Variants in UNC5D observed in about 807,000 individuals in gnomAD.
The protein encoded by UNC5D is netrin receptor UNC5D.
Under a neutral mutation model 105.4 loss-of-function variants are expected in UNC5D, and 39 were observed. The ratio of observed to expected loss-of-function variants is 0.37; its 90% CI spans 0.29 to 0.48. The LOEUF (loss-of-function observed/expected upper bound fraction) is 0.48. UNC5D is among the 20% of genes least tolerant of loss of function. The probability of loss-of-function intolerance (pLI) is 0.98; values close to 1 mark genes in which losing one functional copy is unlikely to be tolerated. For missense variants in UNC5D, 991 were observed against 1,202.4 expected, an observed-to-expected ratio of 0.82 and a Z score of 2.60; for synonymous variants, 452 against 450.4, an observed-to-expected ratio of 1.00 and a Z score of -0.04.
intron 1 of UNC5D, among the ~76,000 whole-genome samples, chr8:35,428,578 G>A (rs979196926): frequency 6.6e-6 from 1 of 151,796 alleles, no homozygotes; most frequent in South Asian, 2.1e-4. Context: ...TGCAGCATAA[G>A]AACCCTATGC....
At chr8:35,477,082 T>G (rs1810155396) in intron 1 of UNC5D, among the ~76,000 whole-genome samples, 1 of 152,190 alleles carries the variant, frequency 6.6e-6, no homozygotes. Flanking sequence ...CTATCTGATG[T>G]GCTGTACTTG....
intron 1 of UNC5D, among the ~76,000 whole-genome samples, chr8:35,323,080 A>G (rs1304870089): frequency 3.3e-5 from 5 of 152,116 alleles, no homozygotes; most frequent in African/African-American, 1.2e-4. Context: ...TTTAGGTGAA[A>G]AGGTAAACTA....
At chr8:35,785,953 A>G (rs1342925414) in intron 16 of UNC5D, among the ~76,000 whole-genome samples, 1 of 152,032 alleles carries the variant, frequency 6.6e-6, no homozygotes, top group Non-Finnish European at 1.5e-5. Context: ...ATAAGGTTAT[A>G]CCCTCTCATC....
chr8:35,542,119 G>C (rs981526849), intron 1 of UNC5D, among the ~76,000 whole-genome samples: 3 of 152,178 alleles, frequency 2.0e-5, no homozygotes, highest in African/African-American at 7.2e-5. Flanking sequence ...TTTTATTACA[G>C]GTTAGGAAGA....
intron 1 of UNC5D, among the ~76,000 whole-genome samples, chr8:35,311,709 C>T (rs1355095108): frequency 6.6e-6 from 1 of 152,022 alleles, no homozygotes; most frequent in Non-Finnish European, 1.5e-5. Flanking sequence ...AAATCACATC[C>T]TCAGCAGCAA....
At position 35,793,440 on chromosome 8, in the gene UNC5D, C is replaced by G. The variant is rs1343415531; in HGVS notation, c.*2877C>G. The G allele has an allele frequency of 6.2e-6, 1 of 161,550 alleles. No individual in the cohort carries two copies. The highest frequency in any genetic ancestry group is 2.4e-5 in the African/African-American group (1 of 41,492). The allele number at this position is 161,550 out of a possible 1,614,324, so 10.0% of individuals were successfully genotyped here. On this transcript the variant is annotated 3_prime_UTR_variant, in exon 17 of 17. Transcript: ENST00000404895. ...GCACTTAATTTGGAAATTTTATTGT[C>G]CTATTGCAAAATGAAACAAAATTAA...
chr8:35,333,302 CAGAGTGAGACCCTGTCTCTGAAAAAT>C (rs1381484843), intron 1 of UNC5D, among the ~76,000 whole-genome samples: 58 of 152,236 alleles, frequency 3.8e-4, no homozygotes, highest in African/African-American at 1.3e-3. Context: ...CCCTGGTTGA[CAGAGTGAGACCCTGTCTCTGAAAAAT>C]AAAGGAAAAG....
At chr8:35,311,986 TA>T (rs1270989254) in intron 1 of UNC5D, among the ~76,000 whole-genome samples, 10 of 152,186 alleles carry the variant, frequency 6.6e-5, no homozygotes, top group African/African-American at 2.4e-4. Context: ...CCACTGTTTT[TA>T]AAAATTCCCT....
rs1025058669 is a variant in UNC5D, at chr8:35,566,270, G to A, written c.323-1828G>A. 3.3e-5 allele frequency among the ~76,000 whole-genome samples: 5 copies of A among 152,096 alleles called. 1 individual carries two copies. Among genetic ancestry groups the A allele is most frequent in the Non-Finnish European group, 5.9e-5 (4 of 68,022 alleles). ...TCTCATCACACATCATAAATAACAC[G>A]TTATTAATTGAGTGGAAGGGAACGT... On this transcript the variant is annotated intron_variant, in intron 2 of 16. Transcript: ENST00000404895.
chr8:35,509,354 A>T (rs1476390193), intron 1 of UNC5D, among the ~76,000 whole-genome samples: 2 of 151,140 alleles, frequency 1.3e-5, no homozygotes, highest in East Asian at 4.0e-4. Context: ...CATGGGATGT[A>T]GGGGTACATG....
intron 1 of UNC5D, among the ~76,000 whole-genome samples, chr8:35,292,834 A>G (rs1308042694): frequency 1.4e-5 from 2 of 147,952 alleles, no homozygotes; most frequent in African/African-American, 2.5e-5. Context: ...CTCCTGCCTC[A>G]GCTCCCTGAG....
At chr8:35,491,560 C>T (rs889395212) in intron 1 of UNC5D, among the ~76,000 whole-genome samples, 1 of 151,998 alleles carries the variant, frequency 6.6e-6, no homozygotes, top group African/African-American at 2.4e-5. Flanking sequence ...CATTATTATC[C>T]TTGGTAGTAA....
chr8:35,732,215 C>G (rs945918328), intron 11 of UNC5D, among the ~76,000 whole-genome samples: 1 of 152,146 alleles, frequency 6.6e-6, no homozygotes, highest in African/African-American at 2.4e-5. Flanking sequence ...ATTTTGATAG[C>G]TATTTCTATA....
At chr8:35,494,179 GA>G in intron 1 of UNC5D, among the ~76,000 whole-genome samples, 1 of 152,086 alleles carries the variant, frequency 6.6e-6, no homozygotes, top group East Asian at 1.9e-4. Context: ...CCTTTTCTGT[GA>G]AATTATTAGC....
chr8:35,324,008 C>CG (rs893243907), intron 1 of UNC5D, among the ~76,000 whole-genome samples: 2 of 151,834 alleles, frequency 1.3e-5, no homozygotes, highest in African/African-American at 4.8e-5. Context: ...GGCAGGAAGA[C>CG]GGTTTGTGCC....
chr8:35,545,474 G>A (rs1179582555), intron 1 of UNC5D, among the ~76,000 whole-genome samples: 2 of 152,042 alleles, frequency 1.3e-5, no homozygotes, highest in East Asian at 3.9e-4. Context: ...GTGTCCTCCT[G>A]GAGAGGCAGC....
At chr8:35,359,197 G>C (rs1452707522) in intron 1 of UNC5D, among the ~76,000 whole-genome samples, 3 of 152,214 alleles carry the variant, frequency 2.0e-5, no homozygotes, top group Non-Finnish European at 2.9e-5. Context: ...GAAAAAGGTA[G>C]TATATTTGTT....
At chr8:35,383,637 A>G (rs907910365) in intron 1 of UNC5D, among the ~76,000 whole-genome samples, 2 of 152,252 alleles carry the variant, frequency 1.3e-5, no homozygotes, top group African/African-American at 4.8e-5. Flanking sequence ...GACCACAGGA[A>G]GAAGTGGTAG....
At chr8:35,735,446 A>G (rs1261639690) in intron 11 of UNC5D, among the ~76,000 whole-genome samples, 2 of 152,242 alleles carry the variant, frequency 1.3e-5, no homozygotes, top group Non-Finnish European at 2.9e-5. Flanking sequence ...ACAAAAGAAC[A>G]CATATTTTTA....
Sources: allele counts gnomAD v4.1 joint callset (sites outside exome capture counted in the v4.1 genomes callset), GRCh38; gene constraint gnomAD v4.1.1; transcripts MANE v1.5; gene names NCBI Gene and HGNC (gene_info 2026-07-23, HGNC 2026-07-21).